Variants in AGBL4 observed in about 807,000 individuals in gnomAD.
The protein encoded by AGBL4 is cytosolic carboxypeptidase 6.
In AGBL4, 58 loss-of-function variants were observed where a neutral mutation model predicts 66.4. The ratio of observed to expected loss-of-function variants is 0.87; its 90% CI spans 0.71 to 1.09. AGBL4 has a LOEUF of 1.09. Among genes scored for constraint, AGBL4 ranks in the 50% least tolerant of loss-of-function variants. The pLI is 0.00. For synonymous variants in AGBL4, 234 were observed against 222.9 expected, an observed-to-expected ratio of 1.05 and a Z score of -0.44; for missense variants, 579 against 631.0, an observed-to-expected ratio of 0.92 and a Z score of 0.88.
chr1:49,786,053 CT>C (rs1644447251), intron 2 of AGBL4, among the ~76,000 whole-genome samples: 2 of 151,994 alleles, frequency 1.3e-5, no homozygotes, highest in Admixed American at 1.3e-4. Flanking sequence ...CCCATTGATG[CT>C]TTTACAAAAT....
chr1:49,715,189 C>T (rs1233351964), intron 2 of AGBL4, among the ~76,000 whole-genome samples: 1 of 152,210 alleles, frequency 6.6e-6, no homozygotes, highest in East Asian at 1.9e-4. Context: ...TTGTTCAGCT[C>T]CCACTTATGA....
At chr1:49,240,504 C>T (rs974769951) in intron 4 of AGBL4, among the ~76,000 whole-genome samples, 1 of 151,746 alleles carries the variant, frequency 6.6e-6, no homozygotes, top group Non-Finnish European at 1.5e-5. Context: ...AGTCCCTCCA[C>T]CCTGTTAAAA....
At chr1:49,810,882 G>A (rs1350804009) in intron 2 of AGBL4, among the ~76,000 whole-genome samples, 1 of 152,178 alleles carries the variant, frequency 6.6e-6, no homozygotes, top group Non-Finnish European at 1.5e-5. Flanking sequence ...ACCTGAGGTA[G>A]CAAGCTAAAT....
At position 48,947,013 on chromosome 1, in the gene AGBL4, G is replaced by A. The variant is rs1166878635; in HGVS notation, c.595-79783C>T. ...TCCCCAGGAATACAGTTTGTCACTG[G>A]CCTTCTTTTCAATTCTTCCACCATA... On this transcript the variant is annotated intron_variant, in intron 5 of 13. Coordinates refer to ENST00000371839, the MANE Select transcript of AGBL4 (RefSeq NM_032785.4). Among the ~76,000 whole-genome samples the A allele has an allele frequency of 2.0e-5, 3 of 152,294 alleles. 1 individual carries two copies. The highest frequency in any genetic ancestry group is 2.0e-4 in the Admixed American group (3 of 15,286).
intron 2 of AGBL4, among the ~76,000 whole-genome samples, chr1:49,849,873 G>A (rs1646262377): frequency 6.6e-6 from 1 of 152,010 alleles, no homozygotes; most frequent in Non-Finnish European, 1.5e-5. Flanking sequence ...TTTTAAATGA[G>A]GATAATCTTT....
intron 3 of AGBL4, among the ~76,000 whole-genome samples, chr1:49,265,576 T>C (rs1364034812): frequency 2.0e-5 from 3 of 152,176 alleles, no homozygotes; most frequent in Non-Finnish European, 4.4e-5. Flanking sequence ...TCAAGCCTAC[T>C]TCTTACTGTG....
At chr1:49,697,161 T>G in intron 3 of AGBL4, 152 bp downstream of exon 3, 1 of 781,830 alleles carries the variant, frequency 1.3e-6, no homozygotes. Flanking sequence ...TTGTATCTAT[T>G]TCTCTGCATC....
intron 3 of AGBL4, among the ~76,000 whole-genome samples, chr1:49,288,881 A>G (rs1249111164): frequency 2.0e-5 from 3 of 152,096 alleles, no homozygotes; most frequent in Non-Finnish European, 4.4e-5. Context: ...CTGCCTGGTA[A>G]AAAAAAATTA....
chr1:49,299,572 C>A (rs1276226031), intron 3 of AGBL4, among the ~76,000 whole-genome samples: 1 of 152,140 alleles, frequency 6.6e-6, no homozygotes, highest in African/African-American at 2.4e-5. Context: ...ACATTTTGTT[C>A]ATTTTTAGTA....
intron 2 of AGBL4, among the ~76,000 whole-genome samples, chr1:49,841,136 A>C (rs1645979469): frequency 6.6e-6 from 1 of 152,230 alleles, no homozygotes; most frequent in Admixed American, 6.5e-5. Context: ...CTTAAACCTG[A>C]CAAACTATTT....
chr1:48,844,122 C>G (rs1479402265), intron 6 of AGBL4, among the ~76,000 whole-genome samples: 1 of 152,140 alleles, frequency 6.6e-6, no homozygotes, highest in African/African-American at 2.4e-5. Flanking sequence ...ATGGTGAATT[C>G]TGTGCTCTGG....
intron 1 of AGBL4, among the ~76,000 whole-genome samples, chr1:49,912,250 C>G (rs1650915837): frequency 6.6e-6 from 1 of 152,072 alleles, no homozygotes; most frequent in Non-Finnish European, 1.5e-5. Flanking sequence ...TCAACAAGAC[C>G]AGGTTCTCTA....
chr1:49,788,512 A>G (rs1644516186), intron 2 of AGBL4, among the ~76,000 whole-genome samples: 2 of 152,078 alleles, frequency 1.3e-5, no homozygotes, highest in Admixed American at 1.3e-4. Context: ...ATATCTTCAA[A>G]TAACTAAAAA....
At chr1:49,645,607 C>T (rs1281350055) in intron 3 of AGBL4, among the ~76,000 whole-genome samples, 2 of 151,058 alleles carry the variant, frequency 1.3e-5, no homozygotes, top group African/African-American at 4.8e-5. Flanking sequence ...TGAAGTCTTT[C>T]AAATATTTAA....
chr1:49,023,065 T>A (rs1036781936), intron 5 of AGBL4, among the ~76,000 whole-genome samples: 1 of 152,174 alleles, frequency 6.6e-6, no homozygotes, highest in Non-Finnish European at 1.5e-5. Context: ...GGTTACAACA[T>A]TGAAATGGAG....
Position 48,755,904 on chromosome 1 carries a change from T to C in AGBL4, c.635-92663A>G, listed in dbSNP as rs185463150. Reference sequence around the variant, plus strand: ...GAATAAACAAATGAACAAACATATATAACCCCTCTTATCTTCAATATTGTA... The same window carrying C: ...GAATAAACAAATGAACAAACATATACAACCCCTCTTATCTTCAATATTGTA... On this transcript the variant is annotated intron_variant, in intron 6 of 13. Coordinates refer to ENST00000371839, the MANE Select transcript of AGBL4 (RefSeq NM_032785.4). Among the ~76,000 whole-genome samples the C allele has an allele frequency of 7.1e-4, 108 of 152,312 alleles. 1 individual carries two copies. The highest frequency in any genetic ancestry group is 5.4e-3 in the Admixed American group (83 of 15,304).
At chr1:49,389,794 A>C (rs1424170207) in intron 3 of AGBL4, among the ~76,000 whole-genome samples, 2 of 152,220 alleles carry the variant, frequency 1.3e-5, no homozygotes, top group African/African-American at 4.8e-5. Context: ...CAAGGAAATC[A>C]GATTAGCTAC....
chr1:49,754,271 T>A (rs903383607), intron 2 of AGBL4, among the ~76,000 whole-genome samples: 3 of 149,886 alleles, frequency 2.0e-5, no homozygotes, highest in African/African-American at 7.4e-5. Flanking sequence ...GTGTTCTTTT[T>A]TTTTTTTATT....
intron 3 of AGBL4, among the ~76,000 whole-genome samples, chr1:49,376,651 A>C (rs1034976327): frequency 6.6e-6 from 1 of 152,012 alleles, no homozygotes; most frequent in Admixed American, 6.6e-5. Context: ...CTTTTTTGGT[A>C]TGATATATGT....
Sources: allele counts gnomAD v4.1 joint callset (sites outside exome capture counted in the v4.1 genomes callset), GRCh38; gene constraint gnomAD v4.1.1; transcripts MANE v1.5; gene names NCBI Gene and HGNC (gene_info 2026-07-23, HGNC 2026-07-21).